RNF150: variants seen among roughly 807,000 people sequenced by gnomAD.
The protein encoded by RNF150 is ring finger protein 150.
Under a neutral mutation model 39.3 loss-of-function variants are expected in RNF150, and 24 were observed. The observed-to-expected ratio is 0.61, with a 90% CI of 0.44 to 0.86. RNF150 has a LOEUF of 0.86. Ranked by LOEUF, RNF150 falls within the 40% of genes least tolerant of loss-of-function variation. The pLI is 0.00. For synonymous variants in RNF150, 255 were observed against 227.3 expected (o/e 1.12, Z -1.10); for missense variants, 502 against 587.8 (o/e 0.85, Z 1.51).
intron 1 of RNF150, among the ~76,000 whole-genome samples, chr4:141,077,342 A>T (rs1184135909): frequency 1.3e-5 from 2 of 152,200 alleles, no homozygotes; most frequent in East Asian, 3.9e-4. Context: ...TACAACATGG[A>T]TGAATATCAA....
chr4:141,200,496 T>G (rs1457937763), intron 1 of RNF150, among the ~76,000 whole-genome samples: 1 of 151,374 alleles, frequency 6.6e-6, no homozygotes, highest in African/African-American at 2.4e-5. Context: ...CCTGCTATAT[T>G]CTCATATAGT....
rs149522679 is a variant in RNF150 at position 141,080,398 on chromosome 4, A to C, written c.484+51927T>G. Among the ~76,000 whole-genome samples the C allele has an allele frequency of 7.1e-3, 1,086 of 152,320 alleles. 10 individuals are homozygous for C. The highest frequency in any genetic ancestry group is 0.014 in the Middle Eastern group (4 of 294). ...GCAATCACCTGTCTGCATTCTAGTC[A>C]CTGTGTCTTCCTCACCCAATCTAAT... On this transcript the variant is annotated intron_variant, in intron 1 of 6. Coordinates refer to ENST00000515673, the MANE Select transcript of RNF150 (RefSeq NM_020724.2).
At chr4:141,031,859 A>G (rs1295822404) in intron 1 of RNF150, among the ~76,000 whole-genome samples, 1 of 152,088 alleles carries the variant, frequency 6.6e-6, no homozygotes, top group Non-Finnish European at 1.5e-5. Context: ...AAAAATTAAA[A>G]CTATGATCTA....
rs1264426774 is a variant in RNF150 at position 141,001,419 on chromosome 4, C to T, written c.485-33546G>A. On this transcript the variant is annotated intron_variant, in intron 1 of 6. Coordinates refer to ENST00000515673, the MANE Select transcript of RNF150 (RefSeq NM_020724.2). The stretch of plus-strand genomic sequence containing the variant: ...TCTCTCCTGTTTGTTCAGCTTTAGT[C>T]ATTACTGAATAAAGACTTGTGTTTT... 3.9e-5 allele frequency among the ~76,000 whole-genome samples: 6 copies of T among 151,956 alleles called. No homozygotes were observed. The South Asian group carries it at 1.0e-3, about 26-fold the overall frequency.
At chr4:140,878,313 G>A (rs1269530150) in intron 6 of RNF150, among the ~76,000 whole-genome samples, 4 of 151,496 alleles carry the variant, frequency 2.6e-5, no homozygotes, top group African/African-American at 9.7e-5. Context: ...TGGGATTACA[G>A]GTATGCACCA....
intron 1 of RNF150, among the ~76,000 whole-genome samples, chr4:141,006,848 GA>G (rs1279170979): frequency 2.0e-5 from 3 of 152,106 alleles, no homozygotes; most frequent in Admixed American, 6.5e-5. Context: ...CAAACATGGT[GA>G]AAAAACCAAA....
chr4:141,058,464 T>C (rs907279739), intron 1 of RNF150, among the ~76,000 whole-genome samples: 1 of 152,168 alleles, frequency 6.6e-6, no homozygotes, highest in African/African-American at 2.4e-5. Flanking sequence ...CAAAATATTC[T>C]GTGAACATAT....
At chr4:141,207,866 T>G (rs918663987) in intron 1 of RNF150, among the ~76,000 whole-genome samples, 2 of 152,158 alleles carry the variant, frequency 1.3e-5, no homozygotes, top group African/African-American at 4.8e-5. Context: ...TTTACTTTCT[T>G]TTTATCAGGA....
intron 1 of RNF150, among the ~76,000 whole-genome samples, chr4:140,969,943 T>C (rs939180239): frequency 2.0e-5 from 3 of 152,008 alleles, no homozygotes; most frequent in Non-Finnish European, 4.4e-5. Context: ...TTTGTCTTTT[T>C]AGTAGAGACA....
At chr4:141,169,546 C>T (rs78747096) in intron 1 of RNF150, among the ~76,000 whole-genome samples, 2 of 152,086 alleles carry the variant, frequency 1.3e-5, no homozygotes, top group East Asian at 1.9e-4. Flanking sequence ...AAAATACTCA[C>T]ATGTTGAGAA....
chr4:141,170,045 G>A (rs1292454948), intron 1 of RNF150, among the ~76,000 whole-genome samples: 1 of 152,100 alleles, frequency 6.6e-6, no homozygotes, highest in African/African-American at 2.4e-5. Context: ...AACTAAACAT[G>A]AGTCTAGATT....
intron 4 of RNF150, among the ~76,000 whole-genome samples, chr4:140,945,298 T>C (rs1210080582): frequency 1.4e-5 from 2 of 142,006 alleles, no homozygotes; most frequent in Non-Finnish European, 3.0e-5. Flanking sequence ...AAAATGCTAT[T>C]TTTTTGTTAA....
At chr4:140,949,535 AGG>A (rs1732460529) in intron 2 of RNF150, among the ~76,000 whole-genome samples, 163 bp from the exon 3 acceptor site, 1 of 152,202 alleles carries the variant, frequency 6.6e-6, no homozygotes, top group African/African-American at 2.4e-5. Context: ...CATTTGTGCA[AGG>A]GGGCTCTACC....
At chr4:140,898,504 T>C (rs1429336985) in intron 6 of RNF150, among the ~76,000 whole-genome samples, 3 of 152,242 alleles carry the variant, frequency 2.0e-5, no homozygotes, top group Admixed American at 6.5e-5. Context: ...GTCGAAGTAC[T>C]GCTTTAGGTA....
At chr4:141,030,364 T>C (rs1735893183) in intron 1 of RNF150, among the ~76,000 whole-genome samples, 1 of 152,012 alleles carries the variant, frequency 6.6e-6, no homozygotes, top group Non-Finnish European at 1.5e-5. Context: ...AAATATAAAT[T>C]GTACAGCCAT....
intron 1 of RNF150, among the ~76,000 whole-genome samples, chr4:140,976,912 A>G (rs1380658784): frequency 6.6e-6 from 1 of 151,696 alleles, no homozygotes; most frequent in Non-Finnish European, 1.5e-5. Flanking sequence ...ACCTGCTATC[A>G]CCCTGCTTTC....
chr4:140,892,362 A>G (rs556454388), intron 6 of RNF150, among the ~76,000 whole-genome samples: 1 of 152,360 alleles, frequency 6.6e-6, no homozygotes, highest in South Asian at 2.1e-4. Context: ...TCTGATGGCT[A>G]AAATTAATTC....
chr4:141,088,072 C>CTTTT (rs1738435093), intron 1 of RNF150, among the ~76,000 whole-genome samples: 1 of 152,122 alleles, frequency 6.6e-6, no homozygotes, highest in Non-Finnish European at 1.5e-5. Context: ...AAACTATAGA[C>CTTTT]AAATTAATTA....
At chr4:141,000,087 G>GAAGAAGAAGGAGA (rs1553935774) in intron 1 of RNF150, among the ~76,000 whole-genome samples, 1 of 35,936 alleles carries the variant, frequency 2.8e-5, no homozygotes, top group Non-Finnish European at 5.3e-5. Flanking sequence ...GAAGAAGAAG[G>GAAGAAGAAGGAGA]AGAAGAAGAA....
Sources: gnomAD v4.1 joint callset for allele counts (sites outside exome capture counted in the v4.1 genomes callset) on GRCh38, gnomAD v4.1.1 for gene constraint, MANE v1.5 for transcripts, NCBI Gene and HGNC (gene_info 2026-07-23, HGNC 2026-07-21) for gene names.